The following REL variants were observed in gnomAD, a reference collection of about 807,000 sequenced individuals.
REL encodes proto-oncogene c-Rel.
A neutral mutation model predicts 45.9 loss-of-function variants in REL; 15 were observed. The observed-to-expected ratio is 0.33, with a 90% CI of 0.22 to 0.50. The LOEUF (loss-of-function observed/expected upper bound fraction) is 0.50. Ranked by LOEUF, REL falls within the 20% of genes least tolerant of loss-of-function variation. The pLI, the probability that REL is intolerant of heterozygous loss-of-function variation, is 0.98. For missense variants in REL, 601 were observed against 715.2 expected (o/e 0.84, Z 1.82); for synonymous variants, 239 against 242.1 (o/e 0.99, Z 0.12).
At chr2:60,906,877 G>A (rs1351130057) in intron 4 of REL, among the ~76,000 whole-genome samples, 1 of 142,964 alleles carries the variant, frequency 7.0e-6, no homozygotes, top group Admixed American at 7.1e-5. Flanking sequence ...GTGTGCGTGT[G>A]TGTATGTGTG....
chr2:60,902,643 G>T (rs992880739), intron 4 of REL, among the ~76,000 whole-genome samples: 3 of 149,464 alleles, frequency 2.0e-5, no homozygotes, highest in African/African-American at 7.4e-5. Context: ...GCCCAGGATG[G>T]AGTGCAGTGA....
intron 5 of REL, among the ~76,000 whole-genome samples, chr2:60,917,605 C>G (rs1197904234): frequency 6.8e-6 from 1 of 147,874 alleles, no homozygotes; most frequent in Non-Finnish European, 1.5e-5. Context: ...TCATGGCTCA[C>G]TGCATGGCAA....
Position 60,881,739 on chromosome 2 carries a change from GC to G in REL, c.-98del. The G allele has an allele frequency of 1.9e-6, 2 of 1,065,858 alleles. No homozygotes were observed. Among genetic ancestry groups the G allele is most frequent in the Non-Finnish European group, 1.4e-6 (1 of 734,818 alleles). 66.0% of individuals were successfully genotyped at this position (1,065,858 alleles called of 1,614,324 possible). On this transcript the variant is annotated 5_prime_UTR_variant, in exon 1 of 10. Coordinates refer to ENST00000394479, the MANE Select transcript of REL (RefSeq NM_001291746.2). ...CTCTAGGGTGGTCGGGGGACTGGGG[GC>G]CCCGCCGGCAGAGGTCCCTCGGCCT...
At chr2:60,896,235 C>G (rs1331538869) in intron 3 of REL, among the ~76,000 whole-genome samples, 1 of 152,162 alleles carries the variant, frequency 6.6e-6, no homozygotes, top group Non-Finnish European at 1.5e-5. Flanking sequence ...TCTCGAATTC[C>G]TGACCTCAGG....
Position 60,924,698 on chromosome 2 carries a change from A to G in REL, c.*2163A>G, listed in dbSNP as rs182757099. ...TTTTGACATTGTCAAGCTCATTGCA[A>G]CTTCCAGATTGAGTAACACTTATAA... On this transcript the variant is annotated 3_prime_UTR_variant, in exon 10 of 10. Coordinates refer to ENST00000394479, the MANE Select transcript of REL (RefSeq NM_001291746.2). The G allele has an allele frequency of 1.0e-3, 215 of 212,198 alleles. No individual in the cohort carries two copies. Among genetic ancestry groups the G allele is most frequent in the African/African-American group, 3.9e-3 (175 of 44,350 alleles). The allele number at this position is 212,198 out of a possible 1,614,324, so 13.1% of individuals were successfully genotyped here.
At chr2:60,896,606 A>T (rs993278391) in intron 3 of REL, among the ~76,000 whole-genome samples, 2 of 152,226 alleles carry the variant, frequency 1.3e-5, no homozygotes, top group Admixed American at 1.3e-4. Flanking sequence ...TGCTCCTCTT[A>T]CAATAATAAC....
intron 1 of REL, among the ~76,000 whole-genome samples, chr2:60,882,260 G>T (rs1408192245): frequency 6.6e-6 from 1 of 152,202 alleles, no homozygotes; most frequent in African/African-American, 2.4e-5. Context: ...TTCATCAAAT[G>T]CAAAGAGGTG....
At chr2:60,914,950 G>C (rs1673922421) in intron 4 of REL, among the ~76,000 whole-genome samples, 3 of 151,074 alleles carry the variant, frequency 2.0e-5, no homozygotes, top group Non-Finnish European at 2.9e-5. Context: ...TCCTGCCTCA[G>C]CCTCCCAAGT....
At chr2:60,920,732 C>T (rs2103986609) in intron 9 of REL, 90 bp downstream of exon 9, 1 of 783,288 alleles carries the variant, frequency 1.3e-6, no homozygotes, top group Non-Finnish European at 2.1e-6. Context: ...GAATGAATAA[C>T]TGCTTCTTTG....
In REL at chr2:60,922,384, C is replaced by T; in HGVS notation, c.1613C>T (p.Ala538Val). ...TTTGAGGGATCTGACTTCAGTTGTG[C>T]AGATAACAGCATGATAAATGAGTCG... ...DAFEGSDFSC[A>V]DNSMINESGP... The change falls in exon 10 of 10, where the codon GCA becomes GTA. Residue 538 changes from alanine (A) to valine (V), a missense_variant. Ala to Val is a moderately conservative substitution (Grantham distance 64). Around this residue, in one of 4 missense-constraint regions of REL, gnomAD observed 334 missense variants for 333.1 expected, o/e 1.00. Transcript: ENST00000394479. The T allele has an allele frequency of 6.2e-7, 1 of 1,614,058 alleles. No individual in the cohort carries two copies. The highest frequency in any genetic ancestry group is 8.5e-7 in the Non-Finnish European group (1 of 1,180,000).
intron 3 of REL, among the ~76,000 whole-genome samples, chr2:60,898,691 T>C (rs1486897711): frequency 1.3e-5 from 2 of 152,256 alleles, no homozygotes; most frequent in Admixed American, 6.5e-5. Flanking sequence ...AGCTCTGCTG[T>C]TGTAGCATGA....
At chr2:60,896,343 A>G (rs1673346944) in intron 3 of REL, among the ~76,000 whole-genome samples, 1 of 152,148 alleles carries the variant, frequency 6.6e-6, no homozygotes, top group Non-Finnish European at 1.5e-5. Flanking sequence ...TGTAAAGAAT[A>G]ATTTTATTTT....
chr2:60,930,401 T>C lies in REL; in HGVS notation c.*7866T>C, dbSNP rs937009178. 6.6e-6 allele frequency: 1 copy of C among 152,376 alleles called. No homozygotes were observed. Among genetic ancestry groups the C allele is most frequent in the African/African-American group, 2.4e-5 (1 of 41,472 alleles). The allele number at this position is 152,376 out of a possible 1,614,324, so 9.4% of individuals were successfully genotyped here. A position where few individuals can be genotyped will look rare whatever the true frequency, so the allele number is the denominator to read the frequency against. On this transcript the variant is annotated 3_prime_UTR_variant, in exon 10 of 10. Coordinates refer to ENST00000394479, the MANE Select transcript of REL (RefSeq NM_001291746.2). ...GCATTAACTAGTTATTGCCCAGCTT[T>C]GGAGAGCCTTCTTTTGGCTTATCAT...
chr2:60,918,597 G>A lies in REL; in HGVS notation c.844G>A (p.Asp282Asn), dbSNP rs1278232982. Residue 282 changes from aspartate (D) to asparagine (N), a missense_variant, in exon 7 of 10, where the codon GAT becomes AAT. This residue lies in a region of REL where 241 missense variants were observed against 347.0 expected (regional missense o/e 0.69). Transcript: ENST00000394479. ...ATCTATGGATTTTAGATATCTGCCAGATGAAAAAGGTATGACATTTTGCTG... is the reference window on the plus strand; with the variant it reads ...ATCTATGGATTTTAGATATCTGCCAAATGAAAAAGGTATGACATTTTGCTG... ...SESMDFRYLP[D>N]EKDTYGNKAK... 2 of 1,609,178 alleles carry A rather than the reference G, an allele frequency of 1.2e-6. No homozygotes were observed. The highest frequency in any genetic ancestry group is 2.7e-5 in the African/African-American group (2 of 74,806).
At chr2:60,901,351 G>A (rs529322365) in intron 4 of REL, among the ~76,000 whole-genome samples, 1 of 151,568 alleles carries the variant, frequency 6.6e-6, no homozygotes. Flanking sequence ...AAGTAGAGAC[G>A]GGGTTTCACC....
At chr2:60,911,167 G>T (rs997316615) in intron 4 of REL, 3 of 152,174 alleles carry the variant, frequency 2.0e-5, no homozygotes, top group African/African-American at 7.2e-5. Flanking sequence ...ATTGTAGCCA[G>T]TGTACAGTAA....
Position 60,881,628 on chromosome 2 carries a change from AC to A in REL, c.-212del. 1.9e-6 allele frequency: 1 copy of A among 522,630 alleles called. No individual in the cohort carries two copies. Among genetic ancestry groups the A allele is most frequent in the East Asian group, 3.5e-5 (1 of 28,770 alleles). The allele number at this position is 522,630 out of a possible 1,614,324, so 32.4% of individuals were successfully genotyped here. A position where few individuals can be genotyped will look rare whatever the true frequency, so the allele number is the denominator to read the frequency against. ...CCTGGCTCCCGTACGGTGGACGGCG[AC>A]GCTGGGTGACCCGGGGTGCAAGAAT... On this transcript the variant is annotated 5_prime_UTR_variant, in exon 1 of 10. Transcript: ENST00000394479.
chr2:60,922,480 G>T lies in REL; in HGVS notation c.1709G>T (p.Ser570Ile), dbSNP rs149938178. Residue 570 changes from serine (S) to isoleucine (I), a missense_variant, in exon 10 of 10, where the codon AGT becomes ATT. By Grantham distance (142) the Ser-to-Ile change is moderately radical (BLOSUM62 -2). Around this residue, in one of 4 missense-constraint regions of REL, gnomAD observed 334 missense variants for 333.1 expected, o/e 1.00. Coordinates refer to ENST00000394479, the MANE Select transcript of REL (RefSeq NM_001291746.2). ...GATAGTCAGTATTCAGGTATTGGCA[G>T]TATGCAAAATGAGCAATTGAGTGAC... Reference protein sequence around the residue: ...VQDSQYSGIGSMQNEQLSDSF... With the variant: ...VQDSQYSGIGIMQNEQLSDSF... 16 of 1,612,326 alleles carry T rather than the reference G, an allele frequency of 9.9e-6. No homozygotes were observed. Among genetic ancestry groups the T allele is most frequent in the Non-Finnish European group, 1.4e-5 (16 of 1,179,474 alleles).
At chr2:60,910,338 G>A (rs1192267457) in intron 4 of REL, among the ~76,000 whole-genome samples, 1 of 151,516 alleles carries the variant, frequency 6.6e-6, no homozygotes, top group African/African-American at 2.4e-5. Flanking sequence ...GGTGGCGGGC[G>A]CCTGTAGTCC....
Sources: gnomAD v4.1 joint callset for allele counts (sites outside exome capture counted in the v4.1 genomes callset) on GRCh38, gnomAD v4.1.1 for gene constraint, gnomAD v4.1.1 regional missense constraint, MANE v1.5 for transcripts, NCBI Gene and HGNC (gene_info 2026-07-23, HGNC 2026-07-21) for gene names.